The following ABCC11 variants were observed in gnomAD, a reference collection of about 807,000 sequenced individuals.
The protein encoded by ABCC11 is ATP-binding cassette sub-family C member 11.
Under a neutral mutation model 149.3 loss-of-function variants are expected in ABCC11, and 135 were observed. The ratio of observed to expected loss-of-function variants is 0.90; its 90% confidence interval spans 0.79 to 1.04. The LOEUF (loss-of-function observed/expected upper bound fraction) is 1.04. Ranked by LOEUF, ABCC11 falls within the 50% of genes least tolerant of loss-of-function variation. ABCC11 has a pLI of 0.00. For synonymous variants in ABCC11, 665 were observed against 671.4 expected (o/e 0.99, Z 0.15); for missense variants, 1,680 against 1,722.1 (o/e 0.98, Z 0.43).
chr16:48,165,547 C>T (rs1965304980), downstream of ABCC11: 1 of 152,280 alleles, frequency 6.6e-6, no homozygotes, highest in Non-Finnish European at 1.5e-5. Context: ...GTTCAGTGCT[C>T]AGGTCTCAGT....
intron 18 of ABCC11, among the ~76,000 whole-genome samples, chr16:48,195,049 C>T (rs1956805199): frequency 6.6e-6 from 1 of 152,322 alleles, no homozygotes; most frequent in East Asian, 1.9e-4. Context: ...TGCTCTAGCA[C>T]TCCTCTCATC....
intron 22 of ABCC11, among the ~76,000 whole-genome samples, chr16:48,185,856 G>A (rs185448642): frequency 6.6e-6 from 1 of 152,126 alleles, no homozygotes; most frequent in Non-Finnish European, 1.5e-5. Context: ...AAGCCACCTT[G>A]CTATCCTTCA....
intron 23 of ABCC11, among the ~76,000 whole-genome samples, chr16:48,182,329 G>A (rs1406893709): frequency 1.3e-5 from 2 of 152,164 alleles, no homozygotes; most frequent in Non-Finnish European, 2.9e-5. Context: ...CATTCAGAGA[G>A]CTATGTGGTC....
rs1965334592 is a variant in ABCC11 at position 48,166,299 on chromosome 16, A to C, written c.*975T>G. Among the ~76,000 whole-genome samples the C allele has an allele frequency of 6.6e-6, 1 of 152,170 alleles. No individual in the cohort carries two copies. The highest frequency in any genetic ancestry group is 1.5e-5 in the Non-Finnish European group (1 of 68,032). ...ACCCTGGAATCATTGAGGCAAGAAG[A>C]CCTGGGGGGTGCAGAGTGTGTAGGA... On this transcript the variant is annotated 3_prime_UTR_variant, in exon 30 of 30. Transcript: ENST00000356608.
intron 1 of ABCC11, among the ~76,000 whole-genome samples, chr16:48,240,006 T>C (rs1356301521): frequency 1.3e-5 from 2 of 152,168 alleles, no homozygotes; most frequent in African/African-American, 4.8e-5. Context: ...ATGGCAATTA[T>C]TAAAAAGTCA....
Position 48,203,303 on chromosome 16 carries a change from G to C in ABCC11, c.1806-3C>G, listed in dbSNP as rs1464162742. On this transcript the variant is annotated splice_polypyrimidine_tract_variant and splice_region_variant and intron_variant, in intron 13 of 29. Transcript: ENST00000356608. ...AGCAGTGGAGCACCTGGAGGTATCTGTGAAGGACAGGGAGCCATAAGGCAC... is the reference window on the plus strand; with the variant it reads ...AGCAGTGGAGCACCTGGAGGTATCTCTGAAGGACAGGGAGCCATAAGGCAC... 1.3e-6 allele frequency: 2 copies of C among 1,573,462 alleles called. No homozygotes were observed. Among genetic ancestry groups the C allele is most frequent in the Non-Finnish European group, 1.7e-6 (2 of 1,158,538 alleles).
At chr16:48,211,562 G>T (rs967419717) in intron 10 of ABCC11, among the ~76,000 whole-genome samples, 1 of 152,086 alleles carries the variant, frequency 6.6e-6, no homozygotes, top group African/African-American at 2.4e-5. Flanking sequence ...TATTTAGATT[G>T]GGCTGGACAT....
At chr16:48,216,830 C>A (rs1969379107) in intron 6 of ABCC11, among the ~76,000 whole-genome samples, 1 of 152,146 alleles carries the variant, frequency 6.6e-6, no homozygotes, top group Admixed American at 6.5e-5. Context: ...AACGTCACAG[C>A]CTAAATTTTC....
chr16:48,199,872 C>T (rs1967792528), intron 15 of ABCC11, among the ~76,000 whole-genome samples: 1 of 151,528 alleles, frequency 6.6e-6, no homozygotes, highest in Non-Finnish European at 1.5e-5. Flanking sequence ...TGGGAGGTCT[C>T]TCTACGTTGC....
In ABCC11 at chr16:48,227,796, G is replaced by T; in HGVS notation, c.395+10C>A. On this transcript the variant is annotated intron_variant, in intron 4 of 29. Coordinates refer to ENST00000356608, the MANE Select transcript of ABCC11 (RefSeq NM_001370497.1). ...TAACCTATCCACTGGTTTGCCCAGCGCAGCTTCACCTTTGGACATTTTTGT... is the reference window on the plus strand; with the variant it reads ...TAACCTATCCACTGGTTTGCCCAGCTCAGCTTCACCTTTGGACATTTTTGT... The T allele has an allele frequency of 6.2e-7, 1 of 1,613,806 alleles. No individual in the cohort carries two copies. Among genetic ancestry groups the T allele is most frequent in the Non-Finnish European group, 8.5e-7 (1 of 1,179,864 alleles).
chr16:48,233,859 G>A (rs1970553050), intron 1 of ABCC11, among the ~76,000 whole-genome samples: 2 of 152,224 alleles, frequency 1.3e-5, no homozygotes, highest in Admixed American at 6.5e-5. Flanking sequence ...ATGTTAACAA[G>A]TAAGAGGAAA....
intron 3 of ABCC11, among the ~76,000 whole-genome samples, chr16:48,229,221 C>T (rs1019713128): frequency 6.6e-6 from 1 of 151,842 alleles, no homozygotes; most frequent in Non-Finnish European, 1.5e-5. Context: ...TATCTTAAAG[C>T]CCCAACAGAA....
chr16:48,167,160 T>C lies in ABCC11; in HGVS notation c.*114A>G. 1.9e-6 allele frequency: 1 copy of C among 528,076 alleles called. No individual in the cohort carries two copies. Among genetic ancestry groups the C allele is most frequent in the South Asian group, 1.7e-5 (1 of 58,586 alleles). The allele number at this position is 528,076 out of a possible 1,614,324, so 32.7% of individuals were successfully genotyped here. Reference sequence around the variant, plus strand: ...CACCCCCCCTACATTTACCCCTGCTTCCAGGAGAAGTTCTCATCTCCAAAC... The same window carrying C: ...CACCCCCCCTACATTTACCCCTGCTCCCAGGAGAAGTTCTCATCTCCAAAC... On this transcript the variant is annotated 3_prime_UTR_variant, in exon 30 of 30. Coordinates refer to ENST00000356608, the MANE Select transcript of ABCC11 (RefSeq NM_001370497.1).
intron 12 of ABCC11, among the ~76,000 whole-genome samples, chr16:48,206,881 T>C (rs934446791): frequency 6.6e-6 from 1 of 151,906 alleles, no homozygotes; most frequent in African/African-American, 2.4e-5. Flanking sequence ...GTTACCAGAG[T>C]TAAAGGGGAA....
At chr16:48,235,608 AG>A (rs1483055674) in intron 1 of ABCC11, among the ~76,000 whole-genome samples, 1 of 152,190 alleles carries the variant, frequency 6.6e-6, no homozygotes, top group Non-Finnish European at 1.5e-5. Flanking sequence ...TGGACTGACC[AG>A]GGGAATTCCC....
intron 22 of ABCC11, 73 bp from the exon 23 acceptor site, chr16:48,184,699 C>G: frequency 2.1e-6 from 3 of 1,461,818 alleles, no homozygotes; most frequent in Non-Finnish European, 2.8e-6. Flanking sequence ...GGGTAGATAC[C>G]GGCTGCTTCC....
intron 1 of ABCC11, among the ~76,000 whole-genome samples, chr16:48,237,127 C>T (rs1376406772): frequency 1.3e-5 from 2 of 152,316 alleles, no homozygotes; most frequent in Non-Finnish European, 2.9e-5. Context: ...TTTGTTAAAA[C>T]TCTGGAAGCC....
chr16:48,227,719 C>G, intron 4 of ABCC11, 87 bp downstream of exon 4: 2 of 1,579,974 alleles, frequency 1.3e-6, no homozygotes, highest in South Asian at 2.2e-5. Flanking sequence ...CATGGCCCCT[C>G]CCTACCACCC....
At position 48,222,851 on chromosome 16, in the gene ABCC11, T is replaced by G. The variant is rs776102015; in HGVS notation, c.544-20A>C. 6.3e-7 allele frequency: 1 copy of G among 1,594,296 alleles called. No individual in the cohort carries two copies. The stretch of plus-strand genomic sequence containing the variant: ...CAATATCTACAAGGAAATGGGAGTT[T>G]GGATCATTCAGACCACCCTGCCAGA... On this transcript the variant is annotated intron_variant, in intron 5 of 29. Coordinates refer to ENST00000356608, the MANE Select transcript of ABCC11 (RefSeq NM_001370497.1).
Sources: gnomAD v4.1 joint callset for allele counts (sites outside exome capture counted in the v4.1 genomes callset) on GRCh38, gnomAD v4.1.1 for gene constraint, MANE v1.5 for transcripts, NCBI Gene and HGNC (gene_info 2026-07-23, HGNC 2026-07-21) for gene names.